KLHL29: variants seen among roughly 807,000 people sequenced by gnomAD.
KLHL29 encodes the protein kelch-like protein 29.
In KLHL29, 21 loss-of-function variants were observed where a neutral mutation model predicts 80.4. That is an observed-to-expected ratio of 0.26 (90% CI 0.19 to 0.38). KLHL29 has a LOEUF of 0.38. Ranked by LOEUF, KLHL29 falls within the 10% of genes least tolerant of loss-of-function variation. KLHL29 has a pLI of 1.00. For synonymous variants in KLHL29, 511 were observed against 526.8 expected, an observed-to-expected ratio of 0.97 and a Z score of 0.41; for missense variants, 867 against 1,223.9, an observed-to-expected ratio of 0.71 and a Z score of 4.35.
chr2:23,701,053 C>T (rs1672334426), intron 11 of KLHL29, among the ~76,000 whole-genome samples: 1 of 152,190 alleles, frequency 6.6e-6, no homozygotes. Context: ...TGCTGCACAT[C>T]TCCAATCTGT....
intron 2 of KLHL29, among the ~76,000 whole-genome samples, chr2:23,549,583 G>A (rs926913404): frequency 6.6e-6 from 1 of 152,216 alleles, no homozygotes; most frequent in African/African-American, 2.4e-5. Context: ...AGGCTGTGCG[G>A]TTGGAGACAG....
At chr2:23,435,104 G>A (rs570085650) in intron 1 of KLHL29, among the ~76,000 whole-genome samples, 1 of 152,222 alleles carries the variant, frequency 6.6e-6, no homozygotes, top group African/African-American at 2.4e-5. Context: ...TGAGGAGGAT[G>A]TGAATTCACT....
intron 3 of KLHL29, among the ~76,000 whole-genome samples, chr2:23,570,228 G>T (rs1406216830): frequency 1.3e-4 from 20 of 152,116 alleles, no homozygotes. Flanking sequence ...TCCTATTGAT[G>T]GCAGCAAAAA....
rs548620447 is a variant in KLHL29 at position 23,475,837 on chromosome 2, G to A, written c.-46+170G>A. Among the ~76,000 whole-genome samples the A allele has an allele frequency of 2.0e-5, 3 of 152,320 alleles. No homozygotes were observed. The South Asian group carries it at 6.2e-4, about 32-fold the overall frequency. On this transcript the variant is annotated intron_variant, in intron 2 of 13. Coordinates refer to ENST00000486442, the MANE Select transcript of KLHL29 (RefSeq NM_052920.2). ...CAGGCGTGTGTGATCAACTGGTACT[G>A]GGGCTTAGCTAAGCCATTTTAGCCT...
intron 2 of KLHL29, among the ~76,000 whole-genome samples, chr2:23,555,330 G>C (rs1184746483): frequency 1.3e-5 from 2 of 152,236 alleles, no homozygotes; most frequent in Non-Finnish European, 2.9e-5. Context: ...GGGACAGGCA[G>C]TGGGAGAAGC....
At chr2:23,593,816 T>G (rs1254475272) in intron 3 of KLHL29, among the ~76,000 whole-genome samples, 1 of 152,194 alleles carries the variant, frequency 6.6e-6, no homozygotes, top group Non-Finnish European at 1.5e-5. Context: ...GGGAGGACCC[T>G]CATTTTACAC....
chr2:23,466,546 A>G (rs2103431952), intron 1 of KLHL29, among the ~76,000 whole-genome samples: 1 of 152,334 alleles, frequency 6.6e-6, no homozygotes, highest in East Asian at 1.9e-4. Context: ...TGAATGGTGT[A>G]GGTTCAGAAA....
At chr2:23,530,962 C>A (rs1376520796) in intron 2 of KLHL29, among the ~76,000 whole-genome samples, 1 of 152,236 alleles carries the variant, frequency 6.6e-6, no homozygotes, top group African/African-American at 2.4e-5. Flanking sequence ...CAGAGTCTCC[C>A]CAGAGTTGAA....
intron 3 of KLHL29, among the ~76,000 whole-genome samples, chr2:23,635,058 G>A (rs941053031): frequency 3.3e-5 from 5 of 152,326 alleles, no homozygotes; most frequent in African/African-American, 1.2e-4. Context: ...CAAGGCCTGG[G>A]AGGACCCCAG....
At chr2:23,701,485 G>A (rs1205340186) in intron 11 of KLHL29, among the ~76,000 whole-genome samples, 1 of 152,172 alleles carries the variant, frequency 6.6e-6, no homozygotes, top group African/African-American at 2.4e-5. Context: ...GGCCAAGGTG[G>A]GAGGATTGCT....
chr2:23,403,894 T>G (rs1454001329), intron 1 of KLHL29, among the ~76,000 whole-genome samples: 2 of 151,844 alleles, frequency 1.3e-5, no homozygotes, highest in Non-Finnish European at 2.9e-5. Context: ...CCAGAAGAGG[T>G]GGGGGGTAGC....
chr2:23,616,213 C>G (rs1669000128), intron 3 of KLHL29, among the ~76,000 whole-genome samples: 1 of 152,204 alleles, frequency 6.6e-6, no homozygotes, highest in South Asian at 2.1e-4. Flanking sequence ...TCTCCCTCCT[C>G]AGCCTGGGGT....
At chr2:23,616,486 A>G (rs566847851) in intron 3 of KLHL29, 7 of 152,372 alleles carry the variant, frequency 4.6e-5, no homozygotes, top group African/African-American at 1.7e-4. Flanking sequence ...TGAATAAAGA[A>G]AACAGAGGTG....
intron 1 of KLHL29, among the ~76,000 whole-genome samples, chr2:23,435,205 A>G (rs1261530024): frequency 6.6e-6 from 1 of 152,092 alleles, no homozygotes; most frequent in African/African-American, 2.4e-5. Flanking sequence ...GGTGTTGGGT[A>G]AGGTCGGGCA....
intron 3 of KLHL29, among the ~76,000 whole-genome samples, chr2:23,619,868 A>G (rs1257278490): frequency 6.6e-6 from 1 of 152,184 alleles, no homozygotes; most frequent in Non-Finnish European, 1.5e-5. Context: ...CTTATCCTGG[A>G]AATAAGGCAT....
intron 1 of KLHL29, among the ~76,000 whole-genome samples, chr2:23,469,956 G>T (rs1377451096): frequency 6.6e-6 from 1 of 151,724 alleles, no homozygotes; most frequent in African/African-American, 2.4e-5. Context: ...GCATTGAGTG[G>T]CAGGGCTGAG....
chr2:23,430,696 G>A (rs1410634972), intron 1 of KLHL29, among the ~76,000 whole-genome samples: 1 of 152,174 alleles, frequency 6.6e-6, no homozygotes, highest in South Asian at 2.1e-4. Context: ...CAGCCCACAG[G>A]ATCTCTTCCT....
At chr2:23,694,066 TA>T (rs1671790971) in intron 8 of KLHL29, among the ~76,000 whole-genome samples, 1 of 152,310 alleles carries the variant, frequency 6.6e-6, no homozygotes, top group South Asian at 2.1e-4. Flanking sequence ...GGGCAGCTAA[TA>T]ACAGTGACAG....
chr2:23,470,773 C>T (rs1265743105), intron 1 of KLHL29, among the ~76,000 whole-genome samples: 1 of 152,168 alleles, frequency 6.6e-6, no homozygotes, highest in Non-Finnish European at 1.5e-5. Flanking sequence ...TGGGTGGACT[C>T]TCATGACTTA....
Sources: gnomAD v4.1 joint callset for allele counts (sites outside exome capture counted in the v4.1 genomes callset) on GRCh38, gnomAD v4.1.1 for gene constraint, MANE v1.5 for transcripts, NCBI Gene and HGNC (gene_info 2026-07-23, HGNC 2026-07-21) for gene names.